CNTNAP5: variants seen among roughly 807,000 people sequenced by gnomAD.
CNTNAP5 encodes the protein contactin associated protein family member 5, also known as contactin-associated protein-like 5.
CNTNAP5 carries 72 observed loss-of-function variants against 150.2 expected under a neutral mutation model. The observed-to-expected ratio is 0.48, with a 90% CI of 0.40 to 0.58. CNTNAP5 has a LOEUF of 0.58. Ranked by LOEUF, CNTNAP5 falls within the 20% of genes least tolerant of loss-of-function variation. The probability of loss-of-function intolerance (pLI) is 0.00; values close to 1 mark genes in which losing one functional copy is unlikely to be tolerated. For missense variants in CNTNAP5, 1,636 were observed against 1,626.2 expected (o/e 1.01, Z -0.10); for synonymous variants, 672 against 619.8 (o/e 1.08, Z -1.25).
chr2:124,554,914 A>G (rs1695716226), intron 10 of CNTNAP5, among the ~76,000 whole-genome samples: 1 of 152,222 alleles, frequency 6.6e-6, no homozygotes, highest in Non-Finnish European at 1.5e-5. Flanking sequence ...GAAAAGAAAA[A>G]TGAGATATTC....
chr2:124,719,399 T>A (rs1311939916), intron 13 of CNTNAP5, among the ~76,000 whole-genome samples: 1 of 152,204 alleles, frequency 6.6e-6, no homozygotes, highest in Non-Finnish European at 1.5e-5. Context: ...TTCCCGTCTC[T>A]GGCTGCTTAC....
intron 12 of CNTNAP5, among the ~76,000 whole-genome samples, chr2:124,627,188 GA>G (rs1281580184): frequency 2.0e-5 from 3 of 152,130 alleles, no homozygotes; most frequent in Admixed American, 2.0e-4. Flanking sequence ...TGATCCAAAT[GA>G]GGAGGATTCC....
chr2:124,649,798 C>T (rs1161332466), intron 13 of CNTNAP5, among the ~76,000 whole-genome samples: 3 of 152,172 alleles, frequency 2.0e-5, no homozygotes, highest in Non-Finnish European at 4.4e-5. Flanking sequence ...AAAATTTAGT[C>T]TGAACTCCTT....
intron 1 of CNTNAP5, among the ~76,000 whole-genome samples, chr2:124,203,440 C>T (rs1159662025): frequency 2.0e-5 from 3 of 152,190 alleles, no homozygotes; most frequent in African/African-American, 7.2e-5. Flanking sequence ...AGGAAGGTAG[C>T]CCTTTCCTCA....
At chr2:124,815,370 G>A (rs1024337271) in intron 19 of CNTNAP5, among the ~76,000 whole-genome samples, 1 of 152,284 alleles carries the variant, frequency 6.6e-6, no homozygotes, top group Middle Eastern at 3.4e-3. Context: ...GGCTGCCCTT[G>A]TCTTACAAAT....
intron 13 of CNTNAP5, among the ~76,000 whole-genome samples, chr2:124,707,253 C>A (rs376545750): frequency 1.3e-5 from 2 of 151,874 alleles, no homozygotes; most frequent in Non-Finnish European, 2.9e-5. Flanking sequence ...GGGCGAGAGT[C>A]CCTGCTCAGA....
At chr2:124,725,041 C>T (rs1022354430) in intron 13 of CNTNAP5, among the ~76,000 whole-genome samples, 9 of 149,656 alleles carry the variant, frequency 6.0e-5, no homozygotes, top group Admixed American at 1.3e-4. Flanking sequence ...GGACATTTTC[C>T]GGCAAACTGC....
At chr2:124,892,475 GA>G (rs997761539) in intron 21 of CNTNAP5, among the ~76,000 whole-genome samples, 1 of 152,018 alleles carries the variant, frequency 6.6e-6, no homozygotes, top group East Asian at 1.9e-4. Context: ...ATGTAGCAAA[GA>G]AAAAAATTCA....
intron 1 of CNTNAP5, among the ~76,000 whole-genome samples, chr2:124,169,249 C>G (rs1024735874): frequency 6.6e-6 from 1 of 151,952 alleles, no homozygotes; most frequent in Non-Finnish European, 1.5e-5. Context: ...CATTGGGGTT[C>G]TTATTGGCCT....
chr2:124,314,004 C>G (rs1157249520), intron 3 of CNTNAP5, among the ~76,000 whole-genome samples: 2 of 152,142 alleles, frequency 1.3e-5, no homozygotes, highest in Non-Finnish European at 2.9e-5. Context: ...CATTATATTC[C>G]TTGTCCTTCA....
intron 3 of CNTNAP5, among the ~76,000 whole-genome samples, chr2:124,281,677 G>A (rs1336854377): frequency 6.6e-6 from 1 of 152,076 alleles, no homozygotes; most frequent in Admixed American, 6.6e-5. Flanking sequence ...GGTTCTCCTG[G>A]GACCAATTAG....
At position 124,914,375 on chromosome 2, in the gene CNTNAP5, C is replaced by A; in HGVS notation, c.*87C>A. On this transcript the variant is annotated 3_prime_UTR_variant, in exon 24 of 24. Coordinates refer to ENST00000682447, the MANE Select transcript of CNTNAP5 (RefSeq NM_001367498.1). ...TCTCCTGTCTTTTGATTTGGTCATTCTCTTTATTTTCTGCTTGCCATGTCT... is the reference window on the plus strand; with the variant it reads ...TCTCCTGTCTTTTGATTTGGTCATTATCTTTATTTTCTGCTTGCCATGTCT... The A allele has an allele frequency of 1.0e-6, 1 of 984,842 alleles. No individual in the cohort carries two copies. The highest frequency in any genetic ancestry group is 1.5e-6 in the Non-Finnish European group (1 of 657,858). 61.0% of individuals were successfully genotyped at this position (984,842 alleles called of 1,614,324 possible).
At chr2:124,212,898 GC>G (rs1686054667) in intron 1 of CNTNAP5, among the ~76,000 whole-genome samples, 1 of 138,848 alleles carries the variant, frequency 7.2e-6, no homozygotes, top group Non-Finnish European at 1.5e-5. Context: ...GCGTGCAATG[GC>G]GCTATCTCTG....
At chr2:124,709,915 A>G (rs964991546) in intron 13 of CNTNAP5, among the ~76,000 whole-genome samples, 4 of 152,094 alleles carry the variant, frequency 2.6e-5, no homozygotes, top group Non-Finnish European at 5.9e-5. Context: ...AGTAGCTTCT[A>G]TTTTTCTCAG....
chr2:124,794,225 C>A (rs531381118), intron 18 of CNTNAP5, among the ~76,000 whole-genome samples: 2 of 152,288 alleles, frequency 1.3e-5, no homozygotes, highest in Admixed American at 1.3e-4. Context: ...GCTCTGGCAC[C>A]ACCCCTGCTC....
chr2:124,221,194 AG>A (rs1219488721), intron 1 of CNTNAP5, among the ~76,000 whole-genome samples: 1 of 152,186 alleles, frequency 6.6e-6, no homozygotes, highest in African/African-American at 2.4e-5. Flanking sequence ...TGTTTTCTGA[AG>A]ACTTTCACAC....
chr2:124,111,877 C>T (rs1683307316), intron 1 of CNTNAP5, among the ~76,000 whole-genome samples: 1 of 152,148 alleles, frequency 6.6e-6, no homozygotes, highest in African/African-American at 2.4e-5. Context: ...TTTAAGAAAT[C>T]AATTCATAAT....
intron 13 of CNTNAP5, among the ~76,000 whole-genome samples, chr2:124,703,055 AT>A (rs1044333025): frequency 8.1e-4 from 124 of 152,230 alleles, no homozygotes; most frequent in African/African-American, 2.8e-3. Context: ...TGAAACAAAG[AT>A]TTTAAACCTC....
At chr2:124,801,071 C>T (rs1462195028) in intron 19 of CNTNAP5, among the ~76,000 whole-genome samples, 5 of 152,158 alleles carry the variant, frequency 3.3e-5, no homozygotes. Context: ...CCAGGGAACC[C>T]ATAGCAGTAG....
Sources: allele counts gnomAD v4.1 joint callset (sites outside exome capture counted in the v4.1 genomes callset), GRCh38; gene constraint gnomAD v4.1.1; transcripts MANE v1.5; gene names NCBI Gene and HGNC (gene_info 2026-07-23, HGNC 2026-07-21).